SCFD2: variants seen among roughly 807,000 people sequenced by gnomAD.
The protein encoded by SCFD2 is sec1 family domain containing 2.
In SCFD2, 54 loss-of-function variants were observed where a neutral mutation model predicts 58.9. The observed-to-expected ratio is 0.92, with a 90% confidence interval of 0.74 to 1.15. SCFD2 has a LOEUF of 1.15. Ranked by LOEUF, SCFD2 falls within the 50% of genes most tolerant of loss-of-function variation. The probability of loss-of-function intolerance (pLI) is 0.00; values close to 1 mark genes in which losing one functional copy is unlikely to be tolerated. For synonymous variants in SCFD2, 321 were observed against 335.9 expected (o/e 0.96, Z 0.49); for missense variants, 805 against 836.6 (o/e 0.96, Z 0.47).
intron 7 of SCFD2, among the ~76,000 whole-genome samples, chr4:52,899,135 T>C (rs573453012): frequency 3.3e-4 from 51 of 152,346 alleles, no homozygotes; most frequent in Non-Finnish European, 5.9e-4. Flanking sequence ...AATTGGAGCA[T>C]GTAGCCCATT....
At chr4:53,341,712 G>T (rs1733881351) in intron 2 of SCFD2, among the ~76,000 whole-genome samples, 1 of 152,158 alleles carries the variant, frequency 6.6e-6, no homozygotes, top group Non-Finnish European at 1.5e-5. Flanking sequence ...AGAGAGAAAG[G>T]TCGGGTTACC....
chr4:53,217,835 C>T (rs1380317607), intron 4 of SCFD2, among the ~76,000 whole-genome samples: 2 of 152,122 alleles, frequency 1.3e-5, no homozygotes, highest in African/African-American at 4.8e-5. Context: ...TAGGGCAGGC[C>T]TGGTGGTGAC....
intron 3 of SCFD2, among the ~76,000 whole-genome samples, chr4:53,294,435 G>A (rs961570017): frequency 6.6e-6 from 1 of 152,174 alleles, no homozygotes; most frequent in African/African-American, 2.4e-5. Flanking sequence ...CTGCATAAAG[G>A]TCTTCTTTTG....
rs1265684539 is a variant in SCFD2 at position 53,236,500 on chromosome 4, T to C, written c.1311+37326A>G. Among the ~76,000 whole-genome samples, 4 of 149,514 alleles carry C rather than the reference T, an allele frequency of 2.7e-5. No individual in the cohort carries two copies. The East Asian group carries it at 7.8e-4, about 29-fold the overall frequency. On this transcript the variant is annotated intron_variant, in intron 4 of 8. Coordinates refer to ENST00000401642, the MANE Select transcript of SCFD2 (RefSeq NM_152540.4). Reference sequence around the variant, plus strand: ...TAGTTCTGTCCCTCTAAGAGAACCTTGACTAATACATATTCAAAAGCTATT... The same window carrying C: ...TAGTTCTGTCCCTCTAAGAGAACCTCGACTAATACATATTCAAAAGCTATT...
At chr4:53,146,387 C>A (rs1359378822) in intron 4 of SCFD2, among the ~76,000 whole-genome samples, 1 of 152,090 alleles carries the variant, frequency 6.6e-6, no homozygotes, top group Non-Finnish European at 1.5e-5. Flanking sequence ...TGATTTAACT[C>A]CTCTTAAAAT....
intron 2 of SCFD2, among the ~76,000 whole-genome samples, chr4:53,316,979 C>A (rs753814219): frequency 6.6e-6 from 1 of 151,714 alleles, no homozygotes; most frequent in Admixed American, 6.6e-5. Flanking sequence ...TGGTGGTGTG[C>A]GCCTATAATC....
At chr4:52,995,258 G>C (rs892487409) in intron 5 of SCFD2, among the ~76,000 whole-genome samples, 5 of 152,104 alleles carry the variant, frequency 3.3e-5, no homozygotes, top group Non-Finnish European at 5.9e-5. Flanking sequence ...CAAGGAGCGC[G>C]GAACCTAGAT....
chr4:53,173,995 G>T (rs1478366223), intron 4 of SCFD2, among the ~76,000 whole-genome samples: 1 of 151,696 alleles, frequency 6.6e-6, no homozygotes, highest in Non-Finnish European at 1.5e-5. Flanking sequence ...AAATAATTAA[G>T]GTATGAATAA....
At chr4:53,047,601 TA>T (rs1189019338) in intron 5 of SCFD2, among the ~76,000 whole-genome samples, 1 of 152,196 alleles carries the variant, frequency 6.6e-6, no homozygotes, top group Non-Finnish European at 1.5e-5. Context: ...TGTACACACA[TA>T]CACTTCTATC....
intron 4 of SCFD2, 56 bp from the exon 5 acceptor site, chr4:53,145,638 G>A: frequency 6.8e-7 from 1 of 1,477,384 alleles, no homozygotes; most frequent in Non-Finnish European, 9.3e-7. Context: ...CATAATTTAT[G>A]GATTACATTA....
rs1248969930 is a variant in SCFD2, at chr4:53,145,670, A to T, written c.1312-88T>A. 1.3e-5 allele frequency: 15 copies of T among 1,197,146 alleles called. No individual in the cohort carries two copies. In the Admixed American group the frequency reaches 2.9e-4, roughly 23 times the overall value. The allele number at this position is 1,197,146 out of a possible 1,614,324, so 74.2% of individuals were successfully genotyped here. A position where few individuals can be genotyped will look rare whatever the true frequency, so the allele number is the denominator to read the frequency against. ...ATTAGTCGAATGATAGCTTTCAAACAAGTCTGTATATGATATTTACTGACT... is the reference window on the plus strand; with the variant it reads ...ATTAGTCGAATGATAGCTTTCAAACTAGTCTGTATATGATATTTACTGACT... On this transcript the variant is annotated intron_variant, in intron 4 of 8. Coordinates refer to ENST00000401642, the MANE Select transcript of SCFD2 (RefSeq NM_152540.4).
chr4:53,303,093 A>ATC (rs1305339812), intron 3 of SCFD2, among the ~76,000 whole-genome samples: 6 of 152,156 alleles, frequency 3.9e-5, no homozygotes, highest in Non-Finnish European at 7.4e-5. Context: ...AAGCCAAAAT[A>ATC]GACAAATGGA....
At chr4:53,208,410 C>T (rs1341825108) in intron 4 of SCFD2, among the ~76,000 whole-genome samples, 7 of 152,172 alleles carry the variant, frequency 4.6e-5, no homozygotes, top group Non-Finnish European at 8.8e-5. Flanking sequence ...TAATCCTGTA[C>T]ATGTCACAAA....
At chr4:52,895,725 T>C (rs1577805879) in intron 7 of SCFD2, among the ~76,000 whole-genome samples, 1 of 152,216 alleles carries the variant, frequency 6.6e-6, no homozygotes, top group African/African-American at 2.4e-5. Context: ...TTTCTAGTTC[T>C]AGATGCCTGA....
intron 5 of SCFD2, among the ~76,000 whole-genome samples, chr4:52,974,597 A>G (rs1560498946): frequency 2.0e-5 from 3 of 152,214 alleles, no homozygotes; most frequent in African/African-American, 4.8e-5. Flanking sequence ...ATACTGCCCA[A>G]GGTAATTTAT....
Position 52,907,513 on chromosome 4 carries a change from G to A in SCFD2, c.1786C>T (p.His596Tyr), listed in dbSNP as rs1719375022. The part of the protein sequence containing the change: ...PERPDSVDIE[H>Y]MSSGLTDLLK... Reference sequence around the variant, plus strand: ...AGATCAGTGAGGCCTGAAGACATGTGTTCAATATCAACGGAATCTGGCCTC... The same window carrying A: ...AGATCAGTGAGGCCTGAAGACATGTATTCAATATCAACGGAATCTGGCCTC... The change falls in exon 7 of 9, where the codon CAC (histidine) becomes TAC (tyrosine). Residue 596 changes from histidine (H) to tyrosine (Y), a missense_variant. Coordinates refer to ENST00000401642, the MANE Select transcript of SCFD2 (RefSeq NM_152540.4). 8 of 1,613,806 alleles carry A rather than the reference G, an allele frequency of 5.0e-6. No homozygotes were observed. The highest frequency in any genetic ancestry group is 6.8e-6 in the Non-Finnish European group (8 of 1,179,734).
intron 4 of SCFD2, among the ~76,000 whole-genome samples, chr4:53,253,778 T>A (rs1024839900): frequency 1.4e-5 from 2 of 146,076 alleles, no homozygotes; most frequent in African/African-American, 5.0e-5. Context: ...TTAGGAGATA[T>A]ACCTAATGCT....
At chr4:53,013,175 C>T (rs1432537131) in intron 5 of SCFD2, among the ~76,000 whole-genome samples, 1 of 152,216 alleles carries the variant, frequency 6.6e-6, no homozygotes, top group Admixed American at 6.5e-5. Flanking sequence ...TCTTCCTTTA[C>T]ACCTACAGTA....
intron 4 of SCFD2, among the ~76,000 whole-genome samples, chr4:53,266,566 G>T (rs1730990496): frequency 6.6e-6 from 1 of 152,108 alleles, no homozygotes; most frequent in Non-Finnish European, 1.5e-5. Context: ...TACAAGAAAG[G>T]AATTCTTCAT....
Sources: allele counts gnomAD v4.1 joint callset (sites outside exome capture counted in the v4.1 genomes callset), GRCh38; gene constraint gnomAD v4.1.1; transcripts MANE v1.5; gene names NCBI Gene and HGNC (gene_info 2026-07-23, HGNC 2026-07-21).